The following SORCS3 variants were observed in gnomAD, a reference collection of about 807,000 sequenced individuals.
SORCS3 encodes the protein VPS10 domain-containing receptor SorCS3.
Under a neutral mutation model 146.3 loss-of-function variants are expected in SORCS3, and 57 were observed. That is an observed-to-expected ratio of 0.39 (90% confidence interval 0.31 to 0.49). SORCS3 has a LOEUF of 0.49. Ranked by LOEUF, SORCS3 falls within the 20% of genes least tolerant of loss-of-function variation. The pLI, the probability that SORCS3 is intolerant of heterozygous loss-of-function variation, is 0.92. For missense variants in SORCS3, 1,341 were observed against 1,575.5 expected, an observed-to-expected ratio of 0.85 and a Z score of 2.52; for synonymous variants, 653 against 618.5, an observed-to-expected ratio of 1.06 and a Z score of -0.83.
At chr10:105,141,737 C>T (rs1258266610) in intron 8 of SORCS3, among the ~76,000 whole-genome samples, 2 of 152,170 alleles carry the variant, frequency 1.3e-5, no homozygotes, top group Admixed American at 6.5e-5. Flanking sequence ...GCTCTTAGTC[C>T]AACAGGCATG....
intron 5 of SORCS3, among the ~76,000 whole-genome samples, chr10:105,062,547 A>T (rs1473074114): frequency 6.6e-6 from 1 of 152,000 alleles, no homozygotes; most frequent in African/African-American, 2.4e-5. Flanking sequence ...CACGATAGGG[A>T]CCCGGTGTAG....
intron 22 of SORCS3, among the ~76,000 whole-genome samples, chr10:105,248,456 G>A (rs1481335238): frequency 2.0e-5 from 3 of 152,192 alleles, no homozygotes; most frequent in Admixed American, 2.0e-4. Context: ...GGACTATAAA[G>A]AGTACAGCAC....
intron 6 of SORCS3, among the ~76,000 whole-genome samples, chr10:105,093,216 T>C (rs1438817002): frequency 6.6e-6 from 1 of 152,172 alleles, no homozygotes. Flanking sequence ...AAAATTAACT[T>C]CAACCTATGA....
At chr10:104,925,415 A>G (rs7902052) in intron 3 of SORCS3, among the ~76,000 whole-genome samples, 2 of 152,160 alleles carry the variant, frequency 1.3e-5, no homozygotes, top group African/African-American at 4.8e-5. Flanking sequence ...AGGAATATGC[A>G]CTACCAGAAT....
chr10:104,847,592 G>T (rs1299400977), intron 2 of SORCS3, among the ~76,000 whole-genome samples: 2 of 152,198 alleles, frequency 1.3e-5, no homozygotes, highest in Non-Finnish European at 2.9e-5. Context: ...GGTGTCCACA[G>T]GTGTGAGGTC....
At chr10:104,822,066 AT>A (rs781590041) in intron 1 of SORCS3, 1 of 516,870 alleles carries the variant, frequency 1.9e-6, no homozygotes, top group East Asian at 5.5e-5. Flanking sequence ...CTTATTTTTT[AT>A]TCCTTCTCTT....
At chr10:105,204,222 G>T (rs949970328) in intron 16 of SORCS3, among the ~76,000 whole-genome samples, 2 of 152,126 alleles carry the variant, frequency 1.3e-5, no homozygotes, top group Non-Finnish European at 2.9e-5. Flanking sequence ...TAGGTTACTT[G>T]ATCAAGGTTA....
chr10:104,800,212 C>T (rs530189617), intron 1 of SORCS3, among the ~76,000 whole-genome samples: 1 of 150,724 alleles, frequency 6.6e-6, no homozygotes, highest in African/African-American at 2.4e-5. Flanking sequence ...ATGAAAAAGC[C>T]AATCTGAAGA....
At chr10:104,942,816 A>T (rs1203050495) in intron 3 of SORCS3, among the ~76,000 whole-genome samples, 1 of 152,214 alleles carries the variant, frequency 6.6e-6, no homozygotes, top group African/African-American at 2.4e-5. Context: ...AGAAGCCAAA[A>T]ACCTACAGCA....
chr10:104,691,696 A>G (rs1009848111), intron 1 of SORCS3, among the ~76,000 whole-genome samples: 4 of 152,066 alleles, frequency 2.6e-5, no homozygotes, highest in African/African-American at 9.7e-5. Context: ...TTATATGTCC[A>G]TTTTGGTTAA....
chr10:104,908,458 G>A (rs1198856398), intron 2 of SORCS3, among the ~76,000 whole-genome samples: 2 of 152,182 alleles, frequency 1.3e-5, no homozygotes, highest in Non-Finnish European at 2.9e-5. Context: ...TTTAGCAGAT[G>A]CTAAGCTAGG....
intron 15 of SORCS3, among the ~76,000 whole-genome samples, chr10:105,200,352 C>G (rs2056567563): frequency 6.6e-6 from 1 of 152,126 alleles, no homozygotes; most frequent in Non-Finnish European, 1.5e-5. Flanking sequence ...ACTGAGCTGC[C>G]TGGGGGAAAG....
chr10:104,686,290 T>C (rs1251028579), intron 1 of SORCS3, among the ~76,000 whole-genome samples: 1 of 151,706 alleles, frequency 6.6e-6, no homozygotes, highest in Non-Finnish European at 1.5e-5. Context: ...GGGAGGGTGG[T>C]AATTTTTGTT....
intron 9 of SORCS3, among the ~76,000 whole-genome samples, chr10:105,151,123 A>T (rs2056164852): frequency 6.6e-6 from 1 of 152,228 alleles, no homozygotes; most frequent in African/African-American, 2.4e-5. Context: ...TAGAGGTGTG[A>T]TTCCACCAGG....
chr10:104,910,161 C>T (rs1193957646), intron 2 of SORCS3, among the ~76,000 whole-genome samples: 3 of 152,148 alleles, frequency 2.0e-5, no homozygotes, highest in Non-Finnish European at 4.4e-5. Flanking sequence ...CATCAGGTAC[C>T]TGGAGAGTAG....
chr10:105,261,692 T>A (rs944822200), intron 25 of SORCS3, among the ~76,000 whole-genome samples: 1 of 152,204 alleles, frequency 6.6e-6, no homozygotes, highest in Non-Finnish European at 1.5e-5. Flanking sequence ...CTAGTCTGCC[T>A]TGCGTTTCCA....
intron 13 of SORCS3, among the ~76,000 whole-genome samples, chr10:105,172,423 G>A (rs909343328): frequency 6.6e-6 from 1 of 151,948 alleles, no homozygotes; most frequent in African/African-American, 2.4e-5. Context: ...TCTTTAGAAG[G>A]GTCACATGGA....
intron 7 of SORCS3, among the ~76,000 whole-genome samples, chr10:105,116,106 G>C (rs1265820544): frequency 6.6e-6 from 1 of 152,196 alleles, no homozygotes; most frequent in Non-Finnish European, 1.5e-5. Context: ...GTGGTTTGCT[G>C]TTAGTATTTG....
chr10:104,739,311 A>G (rs1249182728), intron 1 of SORCS3, among the ~76,000 whole-genome samples: 1 of 152,226 alleles, frequency 6.6e-6, no homozygotes, highest in Non-Finnish European at 1.5e-5. Flanking sequence ...GGATCTTCAA[A>G]ATAGGTCAGG....
Sources: gnomAD v4.1 joint callset for allele counts (sites outside exome capture counted in the v4.1 genomes callset) on GRCh38, gnomAD v4.1.1 for gene constraint, MANE v1.5 for transcripts, NCBI Gene and HGNC (gene_info 2026-07-23, HGNC 2026-07-21) for gene names.